PRKCB: variants seen among roughly 807,000 people sequenced by gnomAD.
The protein encoded by PRKCB is protein kinase C beta.
In PRKCB, 13 loss-of-function variants were observed where a neutral mutation model predicts 81.5. The observed-to-expected ratio is 0.16, with a 90% CI of 0.10 to 0.25. The LOEUF (loss-of-function observed/expected upper bound fraction) is 0.25. PRKCB is among the 10% of genes least tolerant of loss of function. PRKCB has a pLI of 1.00. For synonymous variants in PRKCB, 335 were observed against 321.4 expected, an observed-to-expected ratio of 1.04 and a Z score of -0.45; for missense variants, 509 against 875.7, an observed-to-expected ratio of 0.58 and a Z score of 5.29.
chr16:24,035,588 G>A (rs1965604901), intron 5 of PRKCB, 41 bp downstream of exon 5: 1 of 1,347,726 alleles, frequency 7.4e-7, no homozygotes, highest in Non-Finnish European at 9.9e-7. Flanking sequence ...GACCTTGCTT[G>A]ACCTGTGTGA....
intron 10 of PRKCB, among the ~76,000 whole-genome samples, chr16:24,162,091 C>T (rs1367095150): frequency 6.6e-6 from 1 of 152,022 alleles, no homozygotes; most frequent in East Asian, 1.9e-4. Context: ...GTTACTTCCT[C>T]CCCAAATTTG....
chr16:24,016,196 G>C (rs950272644), intron 3 of PRKCB, among the ~76,000 whole-genome samples: 6 of 152,094 alleles, frequency 3.9e-5, no homozygotes, highest in Admixed American at 3.9e-4. Context: ...GCTGGCCCAA[G>C]GTCACCATTT....
intron 3 of PRKCB, 92 bp downstream of exon 3, chr16:23,988,682 G>A: frequency 8.3e-7 from 1 of 1,205,070 alleles, no homozygotes; most frequent in Non-Finnish European, 1.2e-6. Flanking sequence ...GAGTAAGTGT[G>A]GACGATCTCA....
intron 2 of PRKCB, among the ~76,000 whole-genome samples, chr16:23,915,638 G>A (rs1000462377): frequency 5.8e-5 from 7 of 120,750 alleles, no homozygotes; most frequent in African/African-American, 2.2e-4. Flanking sequence ...GCTGCAGTGA[G>A]CTTTGATTGC....
chr16:24,113,415 C>A (rs1327400593), intron 8 of PRKCB, among the ~76,000 whole-genome samples: 1 of 148,880 alleles, frequency 6.7e-6, no homozygotes, highest in Non-Finnish European at 1.5e-5. Context: ...CTTTCCCTCT[C>A]ATTCTTTCTT....
intron 10 of PRKCB, among the ~76,000 whole-genome samples, chr16:24,155,912 G>A (rs889873070): frequency 5.3e-5 from 8 of 152,138 alleles, no homozygotes; most frequent in African/African-American, 9.7e-5. Context: ...AGCTGGTTCT[G>A]GAGGCTTGGT....
chr16:23,945,800 G>T (rs1421199547), intron 2 of PRKCB, among the ~76,000 whole-genome samples: 1 of 152,212 alleles, frequency 6.6e-6, no homozygotes, highest in Non-Finnish European at 1.5e-5. Flanking sequence ...ACCCTGGTAT[G>T]CAGTGCTTGC....
intron 2 of PRKCB, among the ~76,000 whole-genome samples, chr16:23,856,856 T>C (rs2141087013): frequency 6.6e-6 from 1 of 152,278 alleles, no homozygotes; most frequent in East Asian, 1.9e-4. Context: ...TAAACATATA[T>C]AGCCATGAGT....
chr16:23,994,870 C>T (rs975228770), intron 3 of PRKCB, among the ~76,000 whole-genome samples: 7 of 152,302 alleles, frequency 4.6e-5, no homozygotes, highest in Admixed American at 6.5e-5. Context: ...ACTCTTCAGT[C>T]GTATGTCATA....
chr16:24,182,524 AAAAGAAAG>A (rs553167088), intron 13 of PRKCB, among the ~76,000 whole-genome samples: 22 of 152,208 alleles, frequency 1.4e-4, no homozygotes, highest in South Asian at 1.0e-3. Context: ...CTGTCTCAAA[AAAAGAAAG>A]AAAGAAAGAA....
chr16:23,943,067 C>A (rs554405150), intron 2 of PRKCB, among the ~76,000 whole-genome samples: 21 of 152,296 alleles, frequency 1.4e-4, no homozygotes, highest in Middle Eastern at 3.4e-3. Context: ...AAACAAGAGG[C>A]AATGCCATGG....
intron 2 of PRKCB, among the ~76,000 whole-genome samples, chr16:23,939,229 A>G (rs1180449836): frequency 6.6e-6 from 1 of 152,242 alleles, no homozygotes. Context: ...GATGAAAGAA[A>G]TAAAGAATAT....
rs748583092 is a variant in PRKCB at position 24,214,721 on chromosome 16, C to G, written c.1927C>G (p.Pro643Ala). The change falls in exon 17 of 17, where the codon CCC (proline) becomes GCC (alanine). Residue 643 changes from proline (P) to alanine (A), a missense_variant. By Grantham distance (27) the Pro-to-Ala change is conservative. Transcript: ENST00000643927. ...CCGCCATCCACCAGTCCTAACACCT[C>G]CCGACCAGGAAGTCATCAGGAATAT... ...FTRHPPVLTP[P>A]DQEVIRNIDQ... 5 of 1,614,196 alleles carry G rather than the reference C, an allele frequency of 3.1e-6. No homozygotes were observed. Among genetic ancestry groups the G allele is most frequent in the Admixed American group, 3.3e-5 (2 of 60,030 alleles).
rs35383807 is a variant in PRKCB at position 24,013,781 on chromosome 16, C to CAAAA, written c.289-18343_289-18340dup. 2.1e-3 allele frequency among the ~76,000 whole-genome samples: 283 copies of CAAAA among 137,980 alleles called. 5 individuals carry two copies. The highest frequency in any genetic ancestry group is 3.7e-3 in the Middle Eastern group (1 of 270). The allele number at this position is 137,980 out of a possible 152,430, so 90.5% of individuals were successfully genotyped here. A position where few individuals can be genotyped will look rare whatever the true frequency, so the allele number is the denominator to read the frequency against. ...AGATGAAAGGTGAGATGTGGAATTGCAAAAAAAAAAAAAAAGTATAGACAT... is the reference window on the plus strand; with the variant it reads ...AGATGAAAGGTGAGATGTGGAATTGCAAAAAAAAAAAAAAAAAAAGTATAGACAT... On this transcript the variant is annotated intron_variant, in intron 3 of 16. Coordinates refer to ENST00000643927, the MANE Select transcript of PRKCB (RefSeq NM_002738.7).
rs1160040549 is a variant in PRKCB at position 24,218,499 on chromosome 16, C to T, written c.*3683C>T. ...ACATACCCACGTGTGCTCCTGAGTT[C>T]AGTGTGCCCACCTCACTCCCACACC... On this transcript the variant is annotated 3_prime_UTR_variant, in exon 17 of 17. Transcript: ENST00000643927. 15 of 985,334 alleles carry T rather than the reference C, an allele frequency of 1.5e-5. No homozygotes were observed. The highest frequency in any genetic ancestry group is 1.7e-5 in the African/African-American group (1 of 57,230). The allele number at this position is 985,334 out of a possible 1,614,324, so 61.0% of individuals were successfully genotyped here. A position where few individuals can be genotyped will look rare whatever the true frequency, so the allele number is the denominator to read the frequency against.
At chr16:23,985,594 TC>T (rs1964793655) in intron 2 of PRKCB, among the ~76,000 whole-genome samples, 1 of 152,226 alleles carries the variant, frequency 6.6e-6, no homozygotes, top group East Asian at 1.9e-4. Flanking sequence ...GCATCAATTA[TC>T]TTGAATTTAA....
chr16:24,189,514 C>T (rs1009462043), intron 15 of PRKCB, among the ~76,000 whole-genome samples: 1 of 151,356 alleles, frequency 6.6e-6, no homozygotes, highest in Admixed American at 6.6e-5. Context: ...TGGTGGTGGG[C>T]GCCTGTAATC....
At chr16:24,084,117 T>C (rs1966285253) in intron 5 of PRKCB, among the ~76,000 whole-genome samples, 1 of 152,036 alleles carries the variant, frequency 6.6e-6, no homozygotes, top group Admixed American at 6.6e-5. Context: ...TAAGGAGTGC[T>C]CCAATGGGGA....
chr16:23,920,517 T>C (rs1244101012), intron 2 of PRKCB, among the ~76,000 whole-genome samples: 3 of 152,368 alleles, frequency 2.0e-5, no homozygotes, highest in South Asian at 2.1e-4. Context: ...TAAAATATCA[T>C]GCATCTTCCT....
Sources: gnomAD v4.1 joint callset for allele counts (sites outside exome capture counted in the v4.1 genomes callset) on GRCh38, gnomAD v4.1.1 for gene constraint, MANE v1.5 for transcripts, NCBI Gene and HGNC (gene_info 2026-07-23, HGNC 2026-07-21) for gene names.